Variants in PIK3C2G observed in about 807,000 individuals in gnomAD.
PIK3C2G encodes the protein phosphatidylinositol 3-kinase C2 domain-containing subunit gamma.
PIK3C2G carries 168 observed loss-of-function variants against 181.1 expected under a neutral mutation model. The observed-to-expected ratio is 0.93, with a 90% CI of 0.82 to 1.05. PIK3C2G has a LOEUF of 1.05. Ranked by LOEUF, PIK3C2G falls within the 50% of genes least tolerant of loss-of-function variation. The probability of loss-of-function intolerance (pLI) is 0.00; values close to 1 mark genes in which losing one functional copy is unlikely to be tolerated. For synonymous variants in PIK3C2G, 573 were observed against 592.2 expected (o/e 0.97, Z 0.47); for missense variants, 1,869 against 1,732.8 (o/e 1.08, Z -1.40).
In PIK3C2G at chr12:18,282,394, C is replaced by A. The variant is rs746898871; in HGVS notation, c.313C>A (p.Pro105Thr). The change falls in exon 2 of 33, where the codon CCA becomes ACA. Residue 105 changes from proline to threonine, a missense_variant. Coordinates refer to ENST00000538779, the MANE Select transcript of PIK3C2G (RefSeq NM_001288772.2). ...CTCCTGGCATCAAGTTAGCAAAGCA[C>A]CAGCAATTGGTTTTAGTCCTTCTGT... The part of the protein sequence containing the change: ...ELSWHQVSKA[P>T]AIGFSPSVLP... The A allele has an allele frequency of 1.2e-5, 19 of 1,613,170 alleles. No individual in the cohort carries two copies. The highest frequency in any genetic ancestry group is 1.6e-4 in the Middle Eastern group (1 of 6,082).
intron 29 of PIK3C2G, among the ~76,000 whole-genome samples, chr12:18,568,084 G>T (rs1945731606): frequency 6.6e-6 from 1 of 152,080 alleles, no homozygotes; most frequent in South Asian, 2.1e-4. Flanking sequence ...GTCCATCTGG[G>T]CAATTTAGGA....
chr12:18,542,422 T>C (rs938769274), intron 25 of PIK3C2G, among the ~76,000 whole-genome samples: 8 of 151,848 alleles, frequency 5.3e-5, no homozygotes, highest in Non-Finnish European at 1.2e-4. Flanking sequence ...AACTTTTATT[T>C]TAGATTCAGG....
chr12:18,691,806 C>T, the PIK3C2G span, among the ~76,000 whole-genome samples: 2 of 152,298 alleles, frequency 1.3e-5, no homozygotes, highest in South Asian at 4.1e-4. Context: ...AATGCTTCTA[C>T]ATCAGAGTCA....
intron 16 of PIK3C2G, among the ~76,000 whole-genome samples, chr12:18,410,337 T>C (rs1403921723): frequency 6.6e-6 from 1 of 151,892 alleles, no homozygotes; most frequent in African/African-American, 2.4e-5. Context: ...AAACCCTGTC[T>C]CTACTGAAAA....
downstream of PIK3C2G, among the ~76,000 whole-genome samples, chr12:18,650,726 A>ATC (rs1950465731): frequency 9.3e-5 from 2 of 21,532 alleles, no homozygotes; most frequent in Non-Finnish European, 1.5e-4. Context: ...ATATATATAT[A>ATC]TATATATATA....
the PIK3C2G span, among the ~76,000 whole-genome samples, chr12:18,659,010 T>C: frequency 6.6e-6 from 1 of 152,224 alleles, no homozygotes; most frequent in African/African-American, 2.4e-5. Flanking sequence ...ACTCAGTGCT[T>C]TTTGGAGCAT....
chr12:18,343,573 G>T (rs985838704), intron 10 of PIK3C2G, among the ~76,000 whole-genome samples: 6 of 151,544 alleles, frequency 4.0e-5, no homozygotes. Flanking sequence ...ATAAAAATCT[G>T]CACTCTCTAA....
At chr12:18,534,963 C>T (rs537458993) in intron 24 of PIK3C2G, among the ~76,000 whole-genome samples, 1 of 152,032 alleles carries the variant, frequency 6.6e-6, no homozygotes, top group South Asian at 2.1e-4. Context: ...ATTTTTATAG[C>T]TATAAATAAG....
chr12:18,577,514 T>A (rs989220848), intron 29 of PIK3C2G, among the ~76,000 whole-genome samples: 2 of 152,152 alleles, frequency 1.3e-5, no homozygotes, highest in South Asian at 2.1e-4. Context: ...TTATATTGAA[T>A]TGAATTAAAA....
At chr12:18,255,220 T>A (rs1948132873) in intron 1 of PIK3C2G, among the ~76,000 whole-genome samples, 1 of 96,676 alleles carries the variant, frequency 1.0e-5, no homozygotes, top group Non-Finnish European at 1.9e-5. Flanking sequence ...GTCTCAAAAA[T>A]AAATAAATAA....
At chr12:18,723,985 T>A in the PIK3C2G span, among the ~76,000 whole-genome samples, 4 of 151,982 alleles carry the variant, frequency 2.6e-5, no homozygotes, top group Non-Finnish European at 1.5e-5. Flanking sequence ...CTTGAGGAAG[T>A]GGAGTCTGAG....
chr12:18,319,848 A>C (rs995170081), intron 6 of PIK3C2G, among the ~76,000 whole-genome samples: 2 of 152,044 alleles, frequency 1.3e-5, no homozygotes, highest in African/African-American at 4.8e-5. Flanking sequence ...TCACCATCAC[A>C]CTTTTTATTT....
At chr12:18,723,939 A>C in the PIK3C2G span, among the ~76,000 whole-genome samples, 2 of 152,258 alleles carry the variant, frequency 1.3e-5, no homozygotes, top group African/African-American at 4.8e-5. Flanking sequence ...TTCAAGATCA[A>C]TGTAAACTGC....
chr12:18,275,168 A>G (rs1206459795), intron 1 of PIK3C2G, among the ~76,000 whole-genome samples: 1 of 152,142 alleles, frequency 6.6e-6, no homozygotes, highest in Non-Finnish European at 1.5e-5. Context: ...AATATCTAAA[A>G]TATATCACAT....
At chr12:18,458,297 G>T (rs1219675061) in intron 18 of PIK3C2G, among the ~76,000 whole-genome samples, 1 of 152,130 alleles carries the variant, frequency 6.6e-6, no homozygotes, top group Non-Finnish European at 1.5e-5. Context: ...GGCATACTGT[G>T]TTATTTAGAG....
At chr12:18,325,822 A>G (rs1341421027) in intron 8 of PIK3C2G, among the ~76,000 whole-genome samples, 1 of 152,058 alleles carries the variant, frequency 6.6e-6, no homozygotes, top group African/African-American at 2.4e-5. Context: ...TAGAGGCTGG[A>G]AAAAAAATCA....
intron 25 of PIK3C2G, among the ~76,000 whole-genome samples, chr12:18,541,537 C>T (rs1944153732): frequency 6.6e-6 from 1 of 151,846 alleles, no homozygotes; most frequent in African/African-American, 2.4e-5. Context: ...TTAGATATTT[C>T]CCATCAGAGA....
chr12:18,436,056 T>A (rs1326451752), intron 18 of PIK3C2G, among the ~76,000 whole-genome samples: 2 of 152,012 alleles, frequency 1.3e-5, no homozygotes, highest in African/African-American at 4.8e-5. Context: ...TCTTCAGTAG[T>A]GTGGTTCCAA....
chr12:18,444,142 C>T (rs10841028), intron 18 of PIK3C2G, among the ~76,000 whole-genome samples: 39,983 of 152,012 alleles, frequency 0.26, 5,827 homozygotes, highest in African/African-American at 0.36. Flanking sequence ...TCTATACACC[C>T]ATTCTCCTCC....
Sources: gnomAD v4.1 joint callset for allele counts (sites outside exome capture counted in the v4.1 genomes callset) on GRCh38, gnomAD v4.1.1 for gene constraint, MANE v1.5 for transcripts, NCBI Gene and HGNC (gene_info 2026-07-23, HGNC 2026-07-21) for gene names.